The following C14orf132 variants were observed in gnomAD, a reference collection of about 807,000 sequenced individuals.
C14orf132 encodes the protein uncharacterized protein C14orf132.
Under a neutral mutation model 5.8 loss-of-function variants are expected in C14orf132, and 6 were observed. That is an observed-to-expected ratio of 1.03 (90% CI 0.57 to 2.04). The LOEUF (loss-of-function observed/expected upper bound fraction) is 2.04. C14orf132 is among the 30% of genes most tolerant of loss of function. The pLI is 0.00. For synonymous variants in C14orf132, 51 were observed against 49.8 expected, an observed-to-expected ratio of 1.02 and a Z score of -0.10; for missense variants, 125 against 115.8, an observed-to-expected ratio of 1.08 and a Z score of -0.37.
At chr14:96,046,356 G>C (rs1286389579) in intron 1 of C14orf132, among the ~76,000 whole-genome samples, 1 of 152,194 alleles carries the variant, frequency 6.6e-6, no homozygotes, top group Non-Finnish European at 1.5e-5. Context: ...GGGGCTGCCA[G>C]TGTATTATCT....
chr14:96,067,278 AGG>A (rs1164192100), intron 1 of C14orf132, among the ~76,000 whole-genome samples: 1 of 152,172 alleles, frequency 6.6e-6, no homozygotes, highest in East Asian at 1.9e-4. Flanking sequence ...ACAGGGAGAT[AGG>A]AAAGCCAGTG....
intron 1 of C14orf132, among the ~76,000 whole-genome samples, chr14:96,071,024 G>T (rs1370879536): frequency 6.6e-6 from 1 of 152,154 alleles, no homozygotes; most frequent in Admixed American, 6.5e-5. Context: ...AATGAGGTTT[G>T]TATTAGTCCA....
intron 1 of C14orf132, among the ~76,000 whole-genome samples, chr14:96,061,095 A>G (rs1396477431): frequency 6.6e-6 from 1 of 151,718 alleles, no homozygotes; most frequent in Non-Finnish European, 1.5e-5. Context: ...TTAAATTACC[A>G]TTTCCCTGGT....
rs1888378421 is a variant in C14orf132, at chr14:96,090,861, C to T, written c.*4126C>T. ...CTCAGTGGAGTCTGTCTGTTGTCAG[C>T]ACTGCTGCCTGATCCCTGCAAGACA... On this transcript the variant is annotated 3_prime_UTR_variant, in exon 2 of 2. Coordinates refer to ENST00000555004, the MANE Select transcript of C14orf132 (RefSeq NM_001252507.3). 2.2e-6 allele frequency: 1 copy of T among 456,018 alleles called. No individual in the cohort carries two copies. Among genetic ancestry groups the T allele is most frequent in the Admixed American group, 2.3e-5 (1 of 42,566 alleles). The allele number at this position is 456,018 out of a possible 1,614,324, so 28.2% of individuals were successfully genotyped here. A position where few individuals can be genotyped will look rare whatever the true frequency, so the allele number is the denominator to read the frequency against.
chr14:96,065,429 C>T (rs1162298269), intron 1 of C14orf132, among the ~76,000 whole-genome samples: 1 of 152,076 alleles, frequency 6.6e-6, no homozygotes, highest in East Asian at 1.9e-4. Context: ...AAAGGATCCA[C>T]TTAGGGAGGT....
intron 1 of C14orf132, among the ~76,000 whole-genome samples, chr14:96,083,692 C>G (rs755606764): frequency 1.3e-5 from 2 of 152,224 alleles, no homozygotes; most frequent in Non-Finnish European, 2.9e-5. Context: ...CTAGAGCCTC[C>G]AGAAGGAGTG....
chr14:96,086,739 C>T lies in C14orf132; in HGVS notation c.*4C>T, dbSNP rs1159262180. On this transcript the variant is annotated 3_prime_UTR_variant, in exon 2 of 2. Transcript: ENST00000555004. ...GGTGTATGCCTTCACCTTCTGAGGACGGCACACCCTGCACCACCATGGGGT... is the reference window on the plus strand; with the variant it reads ...GGTGTATGCCTTCACCTTCTGAGGATGGCACACCCTGCACCACCATGGGGT... 17 of 1,535,702 alleles carry T rather than the reference C, an allele frequency of 1.1e-5. No individual in the cohort carries two copies. Among genetic ancestry groups the T allele is most frequent in the East Asian group, 4.9e-5 (2 of 40,906 alleles).
chr14:96,080,699 G>A (rs1244447424), intron 1 of C14orf132, among the ~76,000 whole-genome samples: 2 of 152,170 alleles, frequency 1.3e-5, no homozygotes, highest in Non-Finnish European at 2.9e-5. Context: ...GGAGACTGTT[G>A]GGAAGGCAGG....
At chr14:96,050,394 A>T (rs1305305547) in intron 1 of C14orf132, among the ~76,000 whole-genome samples, 3 of 152,168 alleles carry the variant, frequency 2.0e-5, no homozygotes, top group Non-Finnish European at 4.4e-5. Flanking sequence ...AGTGTCTCAT[A>T]AATGATGAGA....
chr14:96,090,210 G>A lies in C14orf132; in HGVS notation c.*3475G>A, dbSNP rs537394831. On this transcript the variant is annotated 3_prime_UTR_variant, in exon 2 of 2. Transcript: ENST00000555004. ...AGTTCAAGACCAGCCTGGCCAACATGGTGAAACCCTGTCTCTACAAAAAAT... is the reference window on the plus strand; with the variant it reads ...AGTTCAAGACCAGCCTGGCCAACATAGTGAAACCCTGTCTCTACAAAAAAT... 1 of 168,752 alleles carries A rather than the reference G, an allele frequency of 5.9e-6. No homozygotes were observed. Among genetic ancestry groups the A allele is most frequent in the East Asian group, 1.7e-4 (1 of 5,762 alleles). The allele number at this position is 168,752 out of a possible 1,614,324, so 10.5% of individuals were successfully genotyped here.
intron 1 of C14orf132, among the ~76,000 whole-genome samples, chr14:96,048,017 G>T (rs1886880337): frequency 6.6e-6 from 1 of 152,108 alleles, no homozygotes; most frequent in African/African-American, 2.4e-5. Flanking sequence ...ATGAAACCCT[G>T]TCTCTACTAA....
At chr14:96,086,419 TG>T in intron 1 of C14orf132, 91 bp from the exon 2 acceptor site, 2 of 1,123,524 alleles carry the variant, frequency 1.8e-6, no homozygotes, top group Non-Finnish European at 2.5e-6. Flanking sequence ...TAGCTTCATG[TG>T]GGGTTGTTTG....
At chr14:96,056,773 T>A (rs10135486) in intron 1 of C14orf132, among the ~76,000 whole-genome samples, 1 of 151,870 alleles carries the variant, frequency 6.6e-6, no homozygotes, top group South Asian at 2.1e-4. Context: ...ACTCCTGGAG[T>A]TGCAGTCAGA....
At chr14:96,084,095 G>A (rs533705464) in intron 1 of C14orf132, among the ~76,000 whole-genome samples, 115 of 152,356 alleles carry the variant, frequency 7.5e-4, no homozygotes, top group Admixed American at 3.1e-3. Context: ...AAAGAGAAGA[G>A]AGAGACAGGA....
At chr14:96,066,062 C>A (rs778423144) in intron 1 of C14orf132, among the ~76,000 whole-genome samples, 1 of 152,150 alleles carries the variant, frequency 6.6e-6, no homozygotes, top group Non-Finnish European at 1.5e-5. Flanking sequence ...CCTCAGGAAG[C>A]CACAGCCACG....
chr14:96,083,425 G>A (rs923084806), intron 1 of C14orf132, among the ~76,000 whole-genome samples: 9 of 152,282 alleles, frequency 5.9e-5, no homozygotes, highest in South Asian at 2.1e-4. Context: ...ATGGATTACC[G>A]TTCATGGCCA....
intron 1 of C14orf132, among the ~76,000 whole-genome samples, chr14:96,080,460 C>A (rs991412196): frequency 1.3e-5 from 2 of 152,186 alleles, no homozygotes; most frequent in Non-Finnish European, 2.9e-5. Flanking sequence ...TCTGGTGGCC[C>A]CCGTATCACA....
At position 96,039,497 on chromosome 14, in the gene C14orf132, C is replaced by T. The variant is rs2139634651; in HGVS notation, c.-4C>T. 3 of 1,497,938 alleles carry T rather than the reference C, an allele frequency of 2.0e-6. No individual in the cohort carries two copies. Among genetic ancestry groups the T allele is most frequent in the Non-Finnish European group, 2.7e-6 (3 of 1,126,844 alleles). The allele number at this position is 1,497,938 out of a possible 1,614,324, so 92.8% of individuals were successfully genotyped here. ...AGGACTCGAGCGCTGGCTGCAGCGA[C>T]ACCATGGATCTCTCCTTTATGGCCG... On this transcript the variant is annotated 5_prime_UTR_variant, in exon 1 of 2. Coordinates refer to ENST00000555004, the MANE Select transcript of C14orf132 (RefSeq NM_001252507.3). This position sits in a 1 kb window ranked among gnomAD's most constrained non-coding sequence, Gnocchi z 5.3.
Position 96,088,154 on chromosome 14 carries a change from G to A in C14orf132, c.*1419G>A, listed in dbSNP as rs769260219. 6.6e-6 allele frequency: 1 copy of A among 152,194 alleles called. No individual in the cohort carries two copies. Among genetic ancestry groups the A allele is most frequent in the East Asian group, 1.9e-4 (1 of 5,198 alleles). 9.4% of individuals were successfully genotyped at this position (152,194 alleles called of 1,614,324 possible). Reference sequence around the variant, plus strand: ...GTTAGGAAGCTCTCGTGTATATTTAGAGACAATTACAAGAAAGCTGGACTT... The same window carrying A: ...GTTAGGAAGCTCTCGTGTATATTTAAAGACAATTACAAGAAAGCTGGACTT... On this transcript the variant is annotated 3_prime_UTR_variant, in exon 2 of 2. Transcript: ENST00000555004.
Sources: allele counts gnomAD v4.1 joint callset (sites outside exome capture counted in the v4.1 genomes callset), GRCh38; gene constraint gnomAD v4.1.1; non-coding constraint Gnocchi (gnomAD v3.1); transcripts MANE v1.5; gene names NCBI Gene and HGNC (gene_info 2026-07-23, HGNC 2026-07-21).